NOSTRIN: variants seen among roughly 807,000 people sequenced by gnomAD.
The protein encoded by NOSTRIN is nitric oxide synthase trafficking, also known as BM247 homolog.
Under a neutral mutation model 59.0 loss-of-function variants are expected in NOSTRIN, and 63 were observed. That is an observed-to-expected ratio of 1.07 (90% CI 0.87 to 1.32). The LOEUF is 1.32. Among genes scored for constraint, NOSTRIN ranks in the 40% most tolerant of loss-of-function variants. The probability of loss-of-function intolerance (pLI) is 0.00; values close to 1 mark genes in which losing one functional copy is unlikely to be tolerated. For missense variants in NOSTRIN, 512 were observed against 473.1 expected (o/e 1.08, Z -0.76); for synonymous variants, 200 against 165.4 (o/e 1.21, Z -1.61).
At chr2:168,828,378 C>T (rs377429871) in intron 4 of NOSTRIN, 42 bp from the exon 5 acceptor site, 223 of 866,898 alleles carry the variant, frequency 2.6e-4, no homozygotes, top group South Asian at 3.6e-4. Context: ...TAGATGTAAA[C>T]GCTGATATTA....
At chr2:168,802,475 A>T, upstream of NOSTRIN, 1 of 608,366 alleles carries the variant, frequency 1.6e-6, no homozygotes, top group Non-Finnish European at 3.0e-6. Flanking sequence ...CTTTCTCGGG[A>T]CACAAACGGG....
intron 7 of NOSTRIN, among the ~76,000 whole-genome samples, chr2:168,835,194 C>G (rs1473576860): frequency 1.3e-5 from 2 of 152,250 alleles, no homozygotes; most frequent in East Asian, 3.9e-4. Context: ...CCCACCCCAG[C>G]CTCCCAAGTA....
chr2:168,849,365 CTTTTT>C (rs60668601), intron 8 of NOSTRIN, among the ~76,000 whole-genome samples: 1 of 151,534 alleles, frequency 6.6e-6, no homozygotes, highest in African/African-American at 2.4e-5. Flanking sequence ...TTCTTCTTTT[CTTTTT>C]TTTGAGATGG....
intron 1 of NOSTRIN, among the ~76,000 whole-genome samples, chr2:168,810,442 G>A (rs1211310545): frequency 3.9e-5 from 6 of 152,064 alleles, no homozygotes; most frequent in Admixed American, 3.3e-4. Flanking sequence ...TTGATACTCT[G>A]CTAAGCACCA....
chr2:168,834,507 G>GCGCGCACACACACACACACACA (rs756381301), intron 7 of NOSTRIN, among the ~76,000 whole-genome samples, 182 bp downstream of exon 7: 19 of 125,428 alleles, frequency 1.5e-4, no homozygotes, highest in East Asian at 2.4e-4. Context: ...GCGCGCGCGC[G>GCGCGCACACACACACACACACA]CACACACACA....
In NOSTRIN at chr2:168,849,918, A is replaced by AT. The variant is rs71297456; in HGVS notation, c.631-1150dup. On this transcript the variant is annotated intron_variant, in intron 8 of 15. Transcript: ENST00000317647. ...TGGGTCCAATAAGTAACATTTTCTC[A>AT]TTTTTTTTTTTTTTTTGAGACAGTT... is the stretch of plus-strand genomic sequence containing the variant. 6.7e-3 allele frequency among the ~76,000 whole-genome samples: 612 copies of AT among 91,398 alleles called. 6 individuals carry two copies. The highest frequency in any genetic ancestry group is 0.022 in the African/African-American group (504 of 22,452). The allele number at this position is 91,398 out of a possible 152,430, so 60.0% of individuals were successfully genotyped here. A position where few individuals can be genotyped will look rare whatever the true frequency, so the allele number is the denominator to read the frequency against.
intron 6 of NOSTRIN, among the ~76,000 whole-genome samples, chr2:168,833,385 C>G (rs1396883436): frequency 2.0e-5 from 3 of 152,200 alleles, no homozygotes; most frequent in Non-Finnish European, 4.4e-5. Context: ...GAAGGCTTTG[C>G]CTTTGATTCC....
chr2:168,802,538 G>C (rs555635004), upstream of NOSTRIN: 1 of 778,776 alleles, frequency 1.3e-6, no homozygotes. Context: ...AAGGACTGAC[G>C]TACTCTAGGC....
rs1687002742 is a variant in NOSTRIN, at chr2:168,825,375, G to A, written c.197+658G>A. 2.0e-5 allele frequency among the ~76,000 whole-genome samples: 3 copies of A among 152,188 alleles called. No homozygotes were observed. The South Asian group carries it at 6.2e-4, about 32-fold the overall frequency. ...AAGGCCACATTCATAATAGGCCTTG[G>A]TAATGATATTTAACTTGGGAAGTGG... On this transcript the variant is annotated intron_variant, in intron 3 of 15. Coordinates refer to ENST00000317647, the MANE Select transcript of NOSTRIN (RefSeq NM_001039724.4).
intron 7 of NOSTRIN, among the ~76,000 whole-genome samples, chr2:168,835,687 A>G (rs1687677218): frequency 6.6e-6 from 1 of 152,154 alleles, no homozygotes; most frequent in Admixed American, 6.5e-5. Context: ...TGGAAGGGAA[A>G]ACACAGTGAG....
Position 168,859,754 on chromosome 2 carries a change from C to T in NOSTRIN, c.1179+117C>T, listed in dbSNP as rs997388237. On this transcript the variant is annotated intron_variant, in intron 13 of 15. Transcript: ENST00000317647. ...ATTCTATGTGATATTAATATTCATG[C>T]AGTTAGTTAAGAAGATAAATGTTTT... 27 of 1,290,968 alleles carry T rather than the reference C, an allele frequency of 2.1e-5. No homozygotes were observed. In the Admixed American group the frequency reaches 2.2e-4, roughly 11 times the overall value. 80.0% of individuals were successfully genotyped at this position (1,290,968 alleles called of 1,614,324 possible). A position where few individuals can be genotyped will look rare whatever the true frequency, so the allele number is the denominator to read the frequency against.
At chr2:168,844,517 G>A (rs1286034876) in intron 8 of NOSTRIN, among the ~76,000 whole-genome samples, 1 of 152,166 alleles carries the variant, frequency 6.6e-6, no homozygotes, top group Non-Finnish European at 1.5e-5. Context: ...ATGTGTTTCT[G>A]TTTTGTATTA....
At chr2:168,811,716 G>A (rs1036585304) in intron 2 of NOSTRIN, 64 bp downstream of exon 2, 5 of 701,524 alleles carry the variant, frequency 7.1e-6, no homozygotes, top group Non-Finnish European at 1.0e-5. Flanking sequence ...GATATGACTG[G>A]AGGAGTGATT....
rs757379188 is a variant in NOSTRIN at position 168,851,245 on chromosome 2, C to T, written c.730-34C>T. ...GTAAGAAGGGGCAGAAACCTTTCTT[C>T]GACAACCTTATTCTGTTCCCCTTGG... On this transcript the variant is annotated intron_variant, in intron 9 of 15. Coordinates refer to ENST00000317647, the MANE Select transcript of NOSTRIN (RefSeq NM_001039724.4). The T allele has an allele frequency of 3.0e-5, 49 of 1,613,740 alleles. No individual in the cohort carries two copies. In the South Asian group the frequency reaches 4.6e-4, roughly 15 times the overall value.
intron 1 of NOSTRIN, among the ~76,000 whole-genome samples, chr2:168,811,091 A>G (rs779607429): frequency 6.6e-6 from 1 of 152,186 alleles, no homozygotes; most frequent in Admixed American, 6.5e-5. Flanking sequence ...AAGTTTTCTT[A>G]CCAGGTTATT....
intron 7 of NOSTRIN, among the ~76,000 whole-genome samples, chr2:168,838,601 C>T (rs1687875893): frequency 6.6e-6 from 1 of 151,966 alleles, no homozygotes; most frequent in Non-Finnish European, 1.5e-5. Context: ...CTCTCTCAGG[C>T]CGCAATCATC....
chr2:168,856,695 G>C lies in NOSTRIN; in HGVS notation c.970G>C (p.Glu324Gln). 1 of 1,614,080 alleles carries C rather than the reference G, an allele frequency of 6.2e-7. No homozygotes were observed. Among genetic ancestry groups the C allele is most frequent in the Non-Finnish European group, 8.5e-7 (1 of 1,179,962 alleles). The stretch of plus-strand genomic sequence containing the variant: ...GAACATGATTTCATTTTCAGGCCTG[G>C]AACGAATGCTTAAAACGTACTCCAG... The part of the protein sequence containing the change: ...EKASKDKEGL[E>Q]RMLKTYSSTS... The change falls in exon 12 of 16, where the codon GAA becomes CAA. Residue 324 changes from glutamate (E) to glutamine (Q), a missense_variant. Physicochemically the swap from Glu to Gln is conservative, Grantham distance 29. Transcript: ENST00000317647.
At chr2:168,831,251 G>T (rs937892108) in intron 5 of NOSTRIN, among the ~76,000 whole-genome samples, 2 of 152,164 alleles carry the variant, frequency 1.3e-5, no homozygotes, top group African/African-American at 2.4e-5. Context: ...GGCAGAAGGG[G>T]CTAGGCAGCT....
rs766962193 is a variant in NOSTRIN at position 168,855,881 on chromosome 2, C to G, written c.964+421C>G. The G allele has an allele frequency of 1.1e-5, 5 of 451,858 alleles. No individual in the cohort carries two copies. The East Asian group carries it at 3.5e-4, about 32-fold the overall frequency. The allele number at this position is 451,858 out of a possible 1,614,324, so 28.0% of individuals were successfully genotyped here. A position where few individuals can be genotyped will look rare whatever the true frequency, so the allele number is the denominator to read the frequency against. Reference sequence around the variant, plus strand: ...AAAACCTTTCAAATTAAATTCTGTACGTAGAAGTTAGGCATGTCAGACTGT... The same window carrying G: ...AAAACCTTTCAAATTAAATTCTGTAGGTAGAAGTTAGGCATGTCAGACTGT... On this transcript the variant is annotated intron_variant, in intron 11 of 15. Transcript: ENST00000317647.
Sources: allele counts gnomAD v4.1 joint callset (sites outside exome capture counted in the v4.1 genomes callset), GRCh38; gene constraint gnomAD v4.1.1; transcripts MANE v1.5; gene names NCBI Gene and HGNC (gene_info 2026-07-23, HGNC 2026-07-21).